The following SRRM4 variants were observed in gnomAD, a reference collection of about 807,000 sequenced individuals.
SRRM4 encodes the protein serine/arginine repetitive matrix 4, also known as serine/arginine repetitive matrix protein 4.
Under a neutral mutation model 68.9 loss-of-function variants are expected in SRRM4, and 33 were observed. That is an observed-to-expected ratio of 0.48 (90% CI 0.36 to 0.64). The LOEUF is 0.64. Ranked by LOEUF, SRRM4 falls within the 30% of genes least tolerant of loss-of-function variation. SRRM4 has a pLI of 0.00. For synonymous variants in SRRM4, 318 were observed against 318.8 expected (o/e 1.00, Z 0.03); for missense variants, 817 against 827.1 (o/e 0.99, Z 0.15).
intron 1 of SRRM4, among the ~76,000 whole-genome samples, chr12:119,045,762 G>A (rs1283060142): frequency 6.6e-6 from 1 of 152,138 alleles, no homozygotes. Flanking sequence ...ATTAGGCCAG[G>A]CATGGTGGCT....
chr12:119,097,474 A>G (rs1954052938), intron 1 of SRRM4, among the ~76,000 whole-genome samples: 1 of 152,212 alleles, frequency 6.6e-6, no homozygotes, highest in South Asian at 2.1e-4. Flanking sequence ...AAGCTACACG[A>G]CGGTTTCCTT....
intron 1 of SRRM4, among the ~76,000 whole-genome samples, chr12:119,045,651 T>C (rs1240354619): frequency 6.6e-6 from 1 of 152,164 alleles, no homozygotes; most frequent in East Asian, 1.9e-4. Flanking sequence ...CAGCACCGTG[T>C]GACTTTTTAT....
chr12:119,142,606 G>A (rs1954372097), intron 8 of SRRM4, among the ~76,000 whole-genome samples: 1 of 152,150 alleles, frequency 6.6e-6, no homozygotes, highest in Admixed American at 6.5e-5. Flanking sequence ...GCAGCCTCCA[G>A]GTAGCAAACC....
chr12:119,080,168 A>T lies in SRRM4; in HGVS notation c.132-22068A>T, dbSNP rs115488735. ...GGATCTCTGGGACCTCGGTGGTTCT[A>T]CTCAGGGAGGAAGGAGGAAGGGTTG... On this transcript the variant is annotated intron_variant, in intron 1 of 12. Coordinates refer to ENST00000267260, the MANE Select transcript of SRRM4 (RefSeq NM_194286.4). Among the ~76,000 whole-genome samples the T allele has an allele frequency of 8.8e-3, 1,339 of 151,912 alleles. 21 individuals are homozygous for T. The highest frequency in any genetic ancestry group is 0.031 in the African/African-American group (1,269 of 41,368).
chr12:119,025,635 G>A (rs191358638), intron 1 of SRRM4, among the ~76,000 whole-genome samples: 2 of 151,916 alleles, frequency 1.3e-5, no homozygotes, highest in Admixed American at 1.3e-4. Context: ...GTACAGACAG[G>A]GTTTCCCCAT....
chr12:119,139,250 G>A (rs1435956573), intron 8 of SRRM4, among the ~76,000 whole-genome samples: 1 of 152,164 alleles, frequency 6.6e-6, no homozygotes, highest in Non-Finnish European at 1.5e-5. Context: ...AAGGGCAGAG[G>A]CAAGACCATG....
intron 1 of SRRM4, among the ~76,000 whole-genome samples, chr12:118,987,983 T>C (rs1953293026): frequency 6.6e-6 from 1 of 152,238 alleles, no homozygotes; most frequent in African/African-American, 2.4e-5. Flanking sequence ...ATCAGATCAG[T>C]GTAATTAACA....
chr12:119,145,442 C>T lies in SRRM4; in HGVS notation c.833C>T (p.Ser278Leu), dbSNP rs752852674. 4.5e-5 allele frequency: 72 copies of T among 1,607,010 alleles called. No homozygotes were observed. The highest frequency in any genetic ancestry group is 1.4e-4 in the Admixed American group (8 of 59,022). The change falls in exon 9 of 13, where the codon TCG becomes TTG. Residue 278 changes from serine (S) to leucine (L), a missense_variant. Coordinates refer to ENST00000267260, the MANE Select transcript of SRRM4 (RefSeq NM_194286.4). Reference protein sequence around the residue: ...FTKTASPLTTSRGRSQEYDSG... With the variant: ...FTKTASPLTTLRGRSQEYDSG... ...AAAACAGCCAGCCCGCTCACCACCT[C>T]GCGAGGACGTTCCCAGGAGTACGAC...
At chr12:119,090,514 G>A (rs899788893) in intron 1 of SRRM4, among the ~76,000 whole-genome samples, 3 of 152,128 alleles carry the variant, frequency 2.0e-5, no homozygotes, top group Non-Finnish European at 4.4e-5. Flanking sequence ...GTACTCCTAT[G>A]TCAGCTAGTC....
chr12:119,037,478 C>T (rs746141041), intron 1 of SRRM4, among the ~76,000 whole-genome samples: 2 of 152,072 alleles, frequency 1.3e-5, no homozygotes, highest in African/African-American at 2.4e-5. Flanking sequence ...TAAGCCTCCC[C>T]ATCACATTAT....
chr12:118,991,428 A>G (rs1197543023), intron 1 of SRRM4, among the ~76,000 whole-genome samples: 1 of 152,166 alleles, frequency 6.6e-6, no homozygotes, highest in Non-Finnish European at 1.5e-5. Flanking sequence ...CTCATTACAG[A>G]CATTACTTTC....
intron 1 of SRRM4, among the ~76,000 whole-genome samples, chr12:119,024,143 G>T (rs1247496973): frequency 6.6e-6 from 1 of 152,150 alleles, no homozygotes; most frequent in Non-Finnish European, 1.5e-5. Flanking sequence ...TATATATGCA[G>T]TGTCTAAACC....
intron 1 of SRRM4, among the ~76,000 whole-genome samples, chr12:119,037,862 G>A (rs1953639869): frequency 6.6e-6 from 1 of 152,186 alleles, no homozygotes; most frequent in African/African-American, 2.4e-5. Context: ...TTGAATAATA[G>A]CATCACCTTG....
chr12:119,136,119 T>C (rs2136060578), intron 8 of SRRM4, among the ~76,000 whole-genome samples: 1 of 152,238 alleles, frequency 6.6e-6, no homozygotes, highest in Non-Finnish European at 1.5e-5. Flanking sequence ...ACTAAACTTA[T>C]CCCAAATAAA....
intron 4 of SRRM4, among the ~76,000 whole-genome samples, chr12:119,119,498 G>A (rs1316990679): frequency 1.3e-5 from 2 of 151,638 alleles, no homozygotes; most frequent in Non-Finnish European, 2.9e-5. Flanking sequence ...CTCAGAAAAT[G>A]TTACAAGGAG....
chr12:119,105,370 T>C (rs1334447013), intron 2 of SRRM4, among the ~76,000 whole-genome samples: 1 of 152,188 alleles, frequency 6.6e-6, no homozygotes, highest in Admixed American at 6.5e-5. Flanking sequence ...ATATTTCTAG[T>C]TTTAGATCCT....
chr12:119,014,608 T>C (rs1012531308), intron 1 of SRRM4, among the ~76,000 whole-genome samples: 6 of 152,150 alleles, frequency 3.9e-5, no homozygotes, highest in African/African-American at 1.4e-4. Flanking sequence ...CCACTCCATG[T>C]TTTTAAAGAG....
Position 119,161,708 on chromosome 12 carries a change from G to T in SRRM4, c.*4910G>T, listed in dbSNP as rs1191174681. 2 of 152,598 alleles carry T rather than the reference G, an allele frequency of 1.3e-5. No individual in the cohort carries two copies. Among genetic ancestry groups the T allele is most frequent in the Non-Finnish European group, 2.9e-5 (2 of 68,048 alleles). 9.5% of individuals were successfully genotyped at this position (152,598 alleles called of 1,614,324 possible). ...GGGCATTACTGCCCAGGTAAGGAGTGCTAGAATCACCAAGCAAATTGAAAT... is the reference window on the plus strand; with the variant it reads ...GGGCATTACTGCCCAGGTAAGGAGTTCTAGAATCACCAAGCAAATTGAAAT... On this transcript the variant is annotated 3_prime_UTR_variant, in exon 13 of 13. Coordinates refer to ENST00000267260, the MANE Select transcript of SRRM4 (RefSeq NM_194286.4).
intron 9 of SRRM4, among the ~76,000 whole-genome samples, chr12:119,148,486 C>T (rs1954418025): frequency 6.6e-6 from 1 of 152,196 alleles, no homozygotes; most frequent in African/African-American, 2.4e-5. Flanking sequence ...ATAACAACAA[C>T]AATAATAACG....
Sources: gnomAD v4.1 joint callset for allele counts (sites outside exome capture counted in the v4.1 genomes callset) on GRCh38, gnomAD v4.1.1 for gene constraint, MANE v1.5 for transcripts, NCBI Gene and HGNC (gene_info 2026-07-23, HGNC 2026-07-21) for gene names.